CPED1: variants seen among roughly 807,000 people sequenced by gnomAD.
CPED1 encodes the protein cadherin-like and PC-esterase domain-containing protein 1.
In CPED1, 114 loss-of-function variants were observed where a neutral mutation model predicts 128.2. The ratio of observed to expected loss-of-function variants is 0.89; its 90% confidence interval spans 0.76 to 1.04. The LOEUF is 1.04. Among genes scored for constraint, CPED1 ranks in the 50% least tolerant of loss-of-function variants. The probability of loss-of-function intolerance (pLI) is 0.00; values close to 1 mark genes in which losing one functional copy is unlikely to be tolerated. For synonymous variants in CPED1, 462 were observed against 426.7 expected (o/e 1.08, Z -1.02); for missense variants, 1,211 against 1,207.1 (o/e 1.00, Z -0.05).
At chr7:121,160,585 ACAGGGT>A (rs1796389929) in intron 16 of CPED1, among the ~76,000 whole-genome samples, 1 of 152,142 alleles carries the variant, frequency 6.6e-6, no homozygotes, top group African/African-American at 2.4e-5. Context: ...CTGCTTAGTA[ACAGGGT>A]CTGAGGAATG....
intron 2 of CPED1, among the ~76,000 whole-genome samples, chr7:120,998,669 TTCTC>T (rs1305855307): frequency 2.0e-5 from 3 of 152,170 alleles, no homozygotes; most frequent in Admixed American, 2.0e-4. Flanking sequence ...TTTGTTGAGT[TTCTC>T]TCTCTATCCC....
At chr7:121,223,807 C>A (rs1797941016) in intron 16 of CPED1, among the ~76,000 whole-genome samples, 1 of 150,942 alleles carries the variant, frequency 6.6e-6, no homozygotes, top group Non-Finnish European at 1.5e-5. Context: ...TGGTGATATC[C>A]CCTTTATCAT....
chr7:121,158,026 A>T (rs1029958864), intron 16 of CPED1, among the ~76,000 whole-genome samples: 2 of 152,226 alleles, frequency 1.3e-5, no homozygotes, highest in Non-Finnish European at 2.9e-5. Flanking sequence ...AAAGGGATGC[A>T]TTATATGCAC....
At chr7:121,019,706 C>T (rs1792388291) in intron 3 of CPED1, among the ~76,000 whole-genome samples, 1 of 151,926 alleles carries the variant, frequency 6.6e-6, no homozygotes, top group African/African-American at 2.4e-5. Flanking sequence ...CAGATTTAGG[C>T]CTACAGAACT....
intron 3 of CPED1, among the ~76,000 whole-genome samples, chr7:121,030,833 T>A (rs1272489086): frequency 6.6e-6 from 1 of 152,214 alleles, no homozygotes; most frequent in African/African-American, 2.4e-5. Flanking sequence ...GAAACATATC[T>A]CCTGCAGATA....
At chr7:121,263,022 A>T (rs1160092280) in intron 18 of CPED1, among the ~76,000 whole-genome samples, 1 of 152,112 alleles carries the variant, frequency 6.6e-6, no homozygotes, top group Non-Finnish European at 1.5e-5. Flanking sequence ...CTAGAATAAC[A>T]TAATCCTCTA....
chr7:121,197,722 G>A lies in CPED1; in HGVS notation c.2056-38992G>A, dbSNP rs148694007. Among the ~76,000 whole-genome samples the A allele has an allele frequency of 2.3e-3, 352 of 152,240 alleles. 1 individual carries two copies. Among genetic ancestry groups the A allele is most frequent in the South Asian group, 7.9e-3 (38 of 4,832 alleles). ...TAGAAAAATGCTGAGGGCAGAGGCT[G>A]TAGAATTCTAGCTATTGAGAGAGCC... On this transcript the variant is annotated intron_variant, in intron 16 of 22. Coordinates refer to ENST00000310396, the MANE Select transcript of CPED1 (RefSeq NM_024913.5).
rs798916 is a variant in CPED1 at position 121,267,097 on chromosome 7, T to A, written c.2634-118T>A. The A allele has an allele frequency of 0.021, 14,206 of 666,068 alleles. 1,448 individuals are homozygous for A. In the African/African-American group the frequency reaches 0.22, roughly 10 times the overall value. 41.3% of individuals were successfully genotyped at this position (666,068 alleles called of 1,614,324 possible). ...TCAAATATATAAAACGAGCATTTAG[T>A]CTTTTATGCCAATTATCACATTCTG... On this transcript the variant is annotated intron_variant, in intron 20 of 22. Transcript: ENST00000310396.
intron 5 of CPED1, among the ~76,000 whole-genome samples, chr7:121,066,879 T>C (rs1319561048): frequency 1.3e-5 from 2 of 152,124 alleles, no homozygotes; most frequent in Admixed American, 6.6e-5. Context: ...ATTTGCTGCA[T>C]GTTGAGTATT....
At chr7:121,006,046 T>C (rs1176598846) in intron 2 of CPED1, among the ~76,000 whole-genome samples, 1 of 152,158 alleles carries the variant, frequency 6.6e-6, no homozygotes, top group Non-Finnish European at 1.5e-5. Context: ...GTCTCTGGCA[T>C]CTGTGAAAAT....
At chr7:121,092,285 C>G (rs1584506114) in intron 5 of CPED1, among the ~76,000 whole-genome samples, 1 of 152,208 alleles carries the variant, frequency 6.6e-6, no homozygotes, top group African/African-American at 2.4e-5. Flanking sequence ...TTTCCTAGGT[C>G]TGAACAATAA....
At chr7:121,228,453 G>C (rs1407640389) in intron 16 of CPED1, among the ~76,000 whole-genome samples, 1 of 151,486 alleles carries the variant, frequency 6.6e-6, no homozygotes, top group Admixed American at 6.6e-5. Context: ...CCTAACTCCA[G>C]TCAGAATGAC....
chr7:121,132,096 G>A (rs935307551), intron 12 of CPED1, among the ~76,000 whole-genome samples: 5 of 151,880 alleles, frequency 3.3e-5, no homozygotes, highest in Non-Finnish European at 5.9e-5. Flanking sequence ...AGAAAAAAAT[G>A]CCCAAATCTA....
rs574151683 is a variant in CPED1 at position 121,124,482 on chromosome 7, C to T, written c.1061+9C>T. 1 of 1,418,058 alleles carries T rather than the reference C, an allele frequency of 7.1e-7. No homozygotes were observed. 87.8% of individuals were successfully genotyped at this position (1,418,058 alleles called of 1,614,324 possible). On this transcript the variant is annotated intron_variant, in intron 8 of 22. Coordinates refer to ENST00000310396, the MANE Select transcript of CPED1 (RefSeq NM_024913.5). ...CCAAAGACCTTCCATAGGTAAAAAACAAATTTTAATTTAAAAAAAAAAGAA... is the reference window on the plus strand; with the variant it reads ...CCAAAGACCTTCCATAGGTAAAAAATAAATTTTAATTTAAAAAAAAAAGAA...
In CPED1 at chr7:121,122,008, G is replaced by C. The variant is rs73215368; in HGVS notation, c.919-2323G>C. Among the ~76,000 whole-genome samples the C allele has an allele frequency of 6.0e-3, 917 of 152,204 alleles. 4 individuals are homozygous for C. Among genetic ancestry groups the C allele is most frequent in the Non-Finnish European group, 0.011 (734 of 67,992 alleles). ...GATAAAAGTTGTGCCTTCTTTTGGA[G>C]ACTTTGAAAGTTTATGATTTTTTAA... On this transcript the variant is annotated intron_variant, in intron 7 of 22. Coordinates refer to ENST00000310396, the MANE Select transcript of CPED1 (RefSeq NM_024913.5).
chr7:121,295,301 T>C (rs1792800637), intron 22 of CPED1, 139 bp from the exon 23 acceptor site: 1 of 1,048,192 alleles, frequency 9.5e-7, no homozygotes, highest in Non-Finnish European at 1.3e-6. Flanking sequence ...TTATAGCCAT[T>C]CCTGGTTATG....
In CPED1 at chr7:121,256,111, C is replaced by CAAA. The variant is rs1286167648; in HGVS notation, c.2311-10106_2311-10104dup. On this transcript the variant is annotated intron_variant, in intron 18 of 22. Coordinates refer to ENST00000310396, the MANE Select transcript of CPED1 (RefSeq NM_024913.5). ...CCCTAATAGTTAAAGCAATCCTAAG[C>CAAA]AAAAAAAAAAAACAAAACAAAAAAA... Among the ~76,000 whole-genome samples the CAAA allele has an allele frequency of 7.4e-3, 251 of 33,896 alleles. 14 individuals carry two copies. The highest frequency in any genetic ancestry group is 8.7e-3 in the African/African-American group (79 of 9,080). 22.2% of individuals were successfully genotyped at this position (33,896 alleles called of 152,430 possible).
chr7:121,026,668 A>T (rs1207698281), intron 3 of CPED1, among the ~76,000 whole-genome samples: 105 of 6,036 alleles, frequency 0.017, 1 homozygote, highest in Non-Finnish European at 0.016. Flanking sequence ...TCATTATTTA[A>T]AAAAAAAAAA....
At chr7:121,109,117 C>T (rs1584517376) in intron 7 of CPED1, among the ~76,000 whole-genome samples, 1 of 152,090 alleles carries the variant, frequency 6.6e-6, no homozygotes, top group East Asian at 1.9e-4. Flanking sequence ...ATCTAAATGA[C>T]CTGATATTAT....
Sources: gnomAD v4.1 joint callset for allele counts (sites outside exome capture counted in the v4.1 genomes callset) on GRCh38, gnomAD v4.1.1 for gene constraint, MANE v1.5 for transcripts, NCBI Gene and HGNC (gene_info 2026-07-23, HGNC 2026-07-21) for gene names.